The following ZFHX3 variants were observed in gnomAD, a reference collection of about 807,000 sequenced individuals.
ZFHX3 encodes the protein zinc finger homeobox protein 3.
In ZFHX3, 42 loss-of-function variants were observed where a neutral mutation model predicts 279.1. The observed-to-expected ratio is 0.15, with a 90% CI of 0.12 to 0.19. ZFHX3 has a LOEUF of 0.19. Ranked by LOEUF, ZFHX3 falls within the 10% of genes least tolerant of loss-of-function variation. ZFHX3 has a pLI of 1.00. For synonymous variants in ZFHX3, 2,293 were observed against 1,957.8 expected (o/e 1.17, Z -4.52); for missense variants, 4,981 against 4,754.0 (o/e 1.05, Z -1.40).
At chr16:73,601,495 C>T (rs1479896133) in intron 2 of ZFHX3, among the ~76,000 whole-genome samples, 2 of 150,762 alleles carry the variant, frequency 1.3e-5, no homozygotes, top group Admixed American at 6.6e-5. Context: ...AATTGTTTGG[C>T]GCTCTATTTT....
At chr16:72,836,226 G>A (rs2037188859) in intron 4 of ZFHX3, among the ~76,000 whole-genome samples, 1 of 152,116 alleles carries the variant, frequency 6.6e-6, no homozygotes, top group Non-Finnish European at 1.5e-5. Flanking sequence ...TGTGACTTTC[G>A]AGCAAGTGGA....
rs561945799 is a variant in ZFHX3, at chr16:72,949,914, T to C, written c.3216+555A>G. 5.5e-5 allele frequency among the ~76,000 whole-genome samples: 8 copies of C among 144,278 alleles called. No individual in the cohort carries two copies. In the South Asian group the frequency reaches 1.5e-3, roughly 28 times the overall value. The allele number at this position is 144,278 out of a possible 152,430, so 94.7% of individuals were successfully genotyped here. ...ATGAGGGCAGGGATTTTCTTTTCTT[T>C]TTTTTTTTTTTTTTTGGTCAGATTC... On this transcript the variant is annotated intron_variant, in intron 3 of 9. Transcript: ENST00000268489.
At chr16:73,011,336 T>C (rs1963911538) in intron 1 of ZFHX3, among the ~76,000 whole-genome samples, 1 of 151,964 alleles carries the variant, frequency 6.6e-6, no homozygotes, top group Non-Finnish European at 1.5e-5. Flanking sequence ...TTCCCTTTGT[T>C]GCCCAGCGTG....
intron 2 of ZFHX3, among the ~76,000 whole-genome samples, chr16:73,473,339 C>CAAAAAAAAAAAAAAAAAAAAAAAAAA (rs11347779): frequency 2.6e-5 from 2 of 76,658 alleles, no homozygotes; most frequent in African/African-American, 5.9e-5. Context: ...TGTCTCAAAG[C>CAAAAAAAAAAAAAAAAAAAAAAAAAA]AAAAAAAAAA....
At chr16:73,060,618 T>C (rs150318967), upstream of ZFHX3, 15 of 151,644 alleles carry the variant, frequency 9.9e-5, no homozygotes, top group African/African-American at 3.4e-4. Flanking sequence ...TGTATTTATG[T>C]AAGTTCTAAA....
chr16:73,588,702 CAAAACA>C (rs1390916614), intron 2 of ZFHX3, among the ~76,000 whole-genome samples: 1 of 56,416 alleles, frequency 1.8e-5, no homozygotes, highest in African/African-American at 5.7e-5. Context: ...AAACAAAAAA[CAAAACA>C]AAAAAAAAAA....
intron 3 of ZFHX3, among the ~76,000 whole-genome samples, chr16:73,390,980 ATT>A (rs879669022): frequency 6.8e-6 from 1 of 146,786 alleles, no homozygotes; most frequent in African/African-American, 2.5e-5. Context: ...CCCAGAAGCT[ATT>A]TTTTTTTTTT....
chr16:73,200,612 A>G (rs544135231), intron 5 of ZFHX3, among the ~76,000 whole-genome samples: 2 of 152,316 alleles, frequency 1.3e-5, no homozygotes, highest in South Asian at 4.1e-4. Context: ...ACACAGTATC[A>G]TGTAGCTTAC....
chr16:73,632,510 A>T (rs2052484128), intron 2 of ZFHX3, among the ~76,000 whole-genome samples: 1 of 151,254 alleles, frequency 6.6e-6, no homozygotes, highest in Non-Finnish European at 1.5e-5. Flanking sequence ...ACATGGTGAA[A>T]CCCCATCTCT....
At chr16:73,195,484 T>C (rs957542019) in intron 5 of ZFHX3, among the ~76,000 whole-genome samples, 2 of 147,668 alleles carry the variant, frequency 1.4e-5, no homozygotes, top group African/African-American at 5.0e-5. Context: ...AGTGGTGTGA[T>C]CTGGGCTCAC....
At chr16:73,875,661 A>G (rs547219216) in intron 1 of ZFHX3, among the ~76,000 whole-genome samples, 1 of 152,318 alleles carries the variant, frequency 6.6e-6, no homozygotes, top group Non-Finnish European at 1.5e-5. Context: ...TAATAATAGC[A>G]GCAAACATTC....
rs373018180 is a variant in ZFHX3, at chr16:73,258,570, G to A, written c.-1193-1434C>T. Among the ~76,000 whole-genome samples, 49 of 152,034 alleles carry A rather than the reference G, an allele frequency of 3.2e-4. No individual in the cohort carries two copies. In the South Asian group the frequency reaches 8.1e-3, roughly 25 times the overall value. On this transcript the variant is annotated intron_variant, in intron 4 of 17. Transcript: ENST00000641206. Reference sequence around the variant, plus strand: ...TTCACATGTTAGCCAGGATGGTCTCGATCTCCTGACCTCGTGATCCGCCCA... The same window carrying A: ...TTCACATGTTAGCCAGGATGGTCTCAATCTCCTGACCTCGTGATCCGCCCA...
chr16:73,092,918 C>A (rs554613537), intron 8 of ZFHX3: 1 of 520,036 alleles, frequency 1.9e-6, no homozygotes, highest in African/African-American at 1.9e-5. Context: ...TTCCCAGCCA[C>A]CCATGCTAGT....
intron 7 of ZFHX3, among the ~76,000 whole-genome samples, chr16:73,099,672 C>T (rs34640634): frequency 0.35 from 52,132 of 146,906 alleles, 9,626 homozygotes; most frequent in East Asian, 0.63. Context: ...GATCACACCA[C>T]GGCACTCCAG....
chr16:72,966,553 C>A (rs1961850544), intron 1 of ZFHX3, among the ~76,000 whole-genome samples: 1 of 152,186 alleles, frequency 6.6e-6, no homozygotes, highest in African/African-American at 2.4e-5. Context: ...GTCCACAGCC[C>A]ATCACTTTCT....
At chr16:73,028,109 G>A (rs1964576419) in intron 1 of ZFHX3, among the ~76,000 whole-genome samples, 1 of 152,026 alleles carries the variant, frequency 6.6e-6, no homozygotes, top group Non-Finnish European at 1.5e-5. Context: ...CGGCCCCTCC[G>A]GGACCCTGCG....
chr16:73,054,336 C>T (rs1047882900), intron 1 of ZFHX3, among the ~76,000 whole-genome samples: 7 of 151,814 alleles, frequency 4.6e-5, no homozygotes, highest in Admixed American at 6.6e-5. Context: ...TCCAGGCAGG[C>T]GAGCGCCACC....
At chr16:73,310,140 C>T (rs974139620) in intron 4 of ZFHX3, among the ~76,000 whole-genome samples, 2 of 151,974 alleles carry the variant, frequency 1.3e-5, no homozygotes, top group African/African-American at 2.4e-5. Flanking sequence ...AACACCTGAC[C>T]TTGTGATCTG....
At chr16:72,809,339 T>C (rs2036369602) in intron 7 of ZFHX3, 2 of 152,206 alleles carry the variant, frequency 1.3e-5, no homozygotes, top group Admixed American at 1.3e-4. Context: ...CTCTTTCTGT[T>C]CTTTCAGGCT....
Sources: allele counts gnomAD v4.1 joint callset (sites outside exome capture counted in the v4.1 genomes callset), GRCh38; gene constraint gnomAD v4.1.1; transcripts MANE v1.5; gene names NCBI Gene and HGNC (gene_info 2026-07-23, HGNC 2026-07-21).